IMMP1L: variants seen among roughly 807,000 people sequenced by gnomAD.
IMMP1L encodes the protein mitochondrial inner membrane protease subunit 1.
Under a neutral mutation model 21.8 loss-of-function variants are expected in IMMP1L, and 24 were observed. That is an observed-to-expected ratio of 1.10 (90% CI 0.80 to 1.55). IMMP1L has a LOEUF of 1.55. IMMP1L is among the 40% of genes most tolerant of loss of function. The probability of loss-of-function intolerance (pLI) is 0.00; values close to 1 mark genes in which losing one functional copy is unlikely to be tolerated. For missense variants in IMMP1L, 195 were observed against 200.7 expected (o/e 0.97, Z 0.17); for synonymous variants, 46 against 62.8 (o/e 0.73, Z 1.26).
At chr11:31,506,448 T>A (rs1183544765) in intron 1 of IMMP1L, among the ~76,000 whole-genome samples, 5 of 151,626 alleles carry the variant, frequency 3.3e-5, no homozygotes, top group African/African-American at 2.4e-5. Flanking sequence ...GCCAGGAAGG[T>A]CTCGATCTTC....
At chr11:31,497,186 C>T (rs1955470734) in intron 1 of IMMP1L, among the ~76,000 whole-genome samples, 1 of 151,314 alleles carries the variant, frequency 6.6e-6, no homozygotes, top group South Asian at 2.1e-4. Context: ...TTTATCAGGA[C>T]ATAACTCCAT....
At chr11:31,456,567 A>G (rs1446129513) in intron 3 of IMMP1L, among the ~76,000 whole-genome samples, 181 bp from the exon 4 acceptor site, 3 of 152,162 alleles carry the variant, frequency 2.0e-5, no homozygotes, top group Non-Finnish European at 2.9e-5. Flanking sequence ...ACTTTAGGTG[A>G]GAATCCAACA....
Position 31,455,178 on chromosome 11 carries a change from A to G in IMMP1L, c.321+1082T>C, listed in dbSNP as rs540964831. On this transcript the variant is annotated intron_variant, in intron 4 of 5. Transcript: ENST00000532287. Reference sequence around the variant, plus strand: ...TTATTTAAAAGTCAAACTTACTTATAGGGCAACCAGAGGCTATTACGGTTC... The same window carrying G: ...TTATTTAAAAGTCAAACTTACTTATGGGGCAACCAGAGGCTATTACGGTTC... 5.9e-5 allele frequency among the ~76,000 whole-genome samples: 9 copies of G among 152,370 alleles called. No homozygotes were observed. In the East Asian group the frequency reaches 1.7e-3, roughly 29 times the overall value.
chr11:31,490,408 G>T (rs1356347204), intron 1 of IMMP1L, among the ~76,000 whole-genome samples: 1 of 151,422 alleles, frequency 6.6e-6, no homozygotes, highest in African/African-American at 2.4e-5. Context: ...GGAGGCAGAG[G>T]TTGCAGTGAG....
At chr11:31,493,404 G>C (rs920508347) in intron 1 of IMMP1L, among the ~76,000 whole-genome samples, 2 of 152,126 alleles carry the variant, frequency 1.3e-5, no homozygotes, top group Admixed American at 6.5e-5. Flanking sequence ...AGAACAGTAT[G>C]GGGGTAACCC....
At chr11:31,507,152 G>A (rs969161343) in intron 1 of IMMP1L, among the ~76,000 whole-genome samples, 2 of 151,524 alleles carry the variant, frequency 1.3e-5, no homozygotes, top group African/African-American at 2.4e-5. Context: ...GGTGACGGGC[G>A]CCTGTAGTCC....
chr11:31,462,014 A>T (rs1423681283), intron 2 of IMMP1L, among the ~76,000 whole-genome samples: 2 of 152,144 alleles, frequency 1.3e-5, no homozygotes. Context: ...CTTACAAAAA[A>T]ATCAAGAAGG....
intron 5 of IMMP1L, 107 bp from the exon 6 acceptor site, chr11:31,432,675 T>A: frequency 1.4e-6 from 1 of 715,964 alleles, no homozygotes; most frequent in Non-Finnish European, 2.5e-6. Flanking sequence ...ATAAACACTT[T>A]CTCCTTACTC....
intron 4 of IMMP1L, chr11:31,449,065 T>C (rs1953646803): frequency 1.0e-6 from 1 of 985,304 alleles, no homozygotes; most frequent in African/African-American, 1.7e-5. Context: ...GAAATGGATG[T>C]GTAGCACAGG....
At chr11:31,485,067 A>G (rs1955027719) in intron 1 of IMMP1L, among the ~76,000 whole-genome samples, 1 of 151,890 alleles carries the variant, frequency 6.6e-6, no homozygotes. Context: ...ATTCACATTC[A>G]ATAGTTTATA....
At chr11:31,453,090 T>C (rs754912263) in intron 4 of IMMP1L, 50 of 1,289,350 alleles carry the variant, frequency 3.9e-5, no homozygotes, top group Middle Eastern at 2.1e-4. Flanking sequence ...AGTTTCCAAA[T>C]ACCTAACAGT....
intron 4 of IMMP1L, among the ~76,000 whole-genome samples, chr11:31,438,546 GT>G (rs1202621594): frequency 1.3e-5 from 2 of 151,904 alleles, no homozygotes; most frequent in Non-Finnish European, 2.9e-5. Flanking sequence ...TTCCTATTGT[GT>G]TTCGTGCTTT....
At chr11:31,494,802 C>G (rs552658964) in intron 1 of IMMP1L, among the ~76,000 whole-genome samples, 1 of 152,118 alleles carries the variant, frequency 6.6e-6, no homozygotes, top group African/African-American at 2.4e-5. Context: ...CCCGCCACCA[C>G]GCCCAGCTAA....
chr11:31,499,087 C>T (rs1020825011), intron 1 of IMMP1L, among the ~76,000 whole-genome samples: 2 of 152,034 alleles, frequency 1.3e-5, no homozygotes, highest in East Asian at 1.9e-4. Context: ...CACGGAGGGC[C>T]GGGCGAGGTG....
chr11:31,442,270 A>C (rs1199388537), intron 4 of IMMP1L, among the ~76,000 whole-genome samples: 5 of 152,170 alleles, frequency 3.3e-5, no homozygotes, highest in Admixed American at 2.0e-4. Flanking sequence ...AGGTCTAGTT[A>C]AGTGCCTCCT....
rs34485904 is a variant in IMMP1L at position 31,499,938 on chromosome 11, TTAAATAAA to T, written c.-30+9573_-30+9580del. On this transcript the variant is annotated intron_variant, in intron 1 of 5. Coordinates refer to ENST00000532287, the MANE Select transcript of IMMP1L (RefSeq NM_001304274.2). ...ATCAGCAGTTCTGGAGGCTAACTTC[TTAAATAAA>T]TAAATAAATAAATAAATAAATAAAT... Among the ~76,000 whole-genome samples, 1,000 of 140,190 alleles carry T rather than the reference TTAAATAAA, an allele frequency of 7.1e-3. 4 individuals carry two copies. The highest frequency in any genetic ancestry group is 0.015 in the African/African-American group (549 of 37,660). 92.0% of individuals were successfully genotyped at this position (140,190 alleles called of 152,430 possible). A position where few individuals can be genotyped will look rare whatever the true frequency, so the allele number is the denominator to read the frequency against.
intron 4 of IMMP1L, among the ~76,000 whole-genome samples, chr11:31,451,693 C>G (rs1372469588): frequency 2.0e-5 from 3 of 150,962 alleles, no homozygotes; most frequent in Non-Finnish European, 4.4e-5. Flanking sequence ...TTAGACATGA[C>G]TCTGGAGTTC....
intron 1 of IMMP1L, among the ~76,000 whole-genome samples, chr11:31,500,545 T>C (rs1394367830): frequency 5.3e-5 from 8 of 150,866 alleles, no homozygotes; most frequent in Admixed American, 5.3e-4. Context: ...TCCTAAACTT[T>C]CAGGAAAAGA....
intron 4 of IMMP1L, among the ~76,000 whole-genome samples, chr11:31,455,581 T>C (rs1192662933): frequency 6.6e-6 from 1 of 152,186 alleles, no homozygotes; most frequent in Non-Finnish European, 1.5e-5. Context: ...TGTTATTATT[T>C]TGTCAGACTT....
Sources: allele counts gnomAD v4.1 joint callset (sites outside exome capture counted in the v4.1 genomes callset), GRCh38; gene constraint gnomAD v4.1.1; transcripts MANE v1.5; gene names NCBI Gene and HGNC (gene_info 2026-07-23, HGNC 2026-07-21).